HS6ST1: variants seen among roughly 807,000 people sequenced by gnomAD.
HS6ST1 encodes the protein heparan sulfate 6-O-sulfotransferase 1.
In HS6ST1, 3 loss-of-function variants were observed where a neutral mutation model predicts 25.2. That is an observed-to-expected ratio of 0.12 (90% CI 0.05 to 0.31). The LOEUF (loss-of-function observed/expected upper bound fraction) is 0.31, where lower values mean the gene tolerates loss of function less well. Ranked by LOEUF, HS6ST1 falls within the 10% of genes least tolerant of loss-of-function variation. The pLI, the probability that HS6ST1 is intolerant of heterozygous loss-of-function variation, is 1.00. For missense variants in HS6ST1, 310 were observed against 609.6 expected, an observed-to-expected ratio of 0.51 and a Z score of 5.18; for synonymous variants, 204 against 275.1, an observed-to-expected ratio of 0.74 and a Z score of 2.56.
At chr2:128,277,984 C>T (rs1020975230) in intron 1 of HS6ST1, among the ~76,000 whole-genome samples, 3 of 152,230 alleles carry the variant, frequency 2.0e-5, no homozygotes, top group African/African-American at 7.2e-5. Context: ...AAGATCTAGG[C>T]ACTGCTGTCA....
chr2:128,312,399 C>A (rs946046356), intron 1 of HS6ST1, among the ~76,000 whole-genome samples: 1 of 152,204 alleles, frequency 6.6e-6, no homozygotes, highest in Non-Finnish European at 1.5e-5. Context: ...ACAAGATGAC[C>A]CATTCCAAGT....
intron 1 of HS6ST1, among the ~76,000 whole-genome samples, chr2:128,316,993 T>C (rs574519664): frequency 2.2e-4 from 34 of 152,206 alleles, no homozygotes; most frequent in Non-Finnish European, 4.4e-4. Flanking sequence ...AATTCAGTCC[T>C]AAGGCAAATT....
intron 1 of HS6ST1, among the ~76,000 whole-genome samples, chr2:128,312,732 A>G (rs1694309857): frequency 6.6e-6 from 1 of 152,024 alleles, no homozygotes; most frequent in South Asian, 2.1e-4. Flanking sequence ...TAAGATTAGC[A>G]CTTTTCGGTG....
chr2:128,308,243 C>T (rs896893326), intron 1 of HS6ST1, among the ~76,000 whole-genome samples: 3 of 152,164 alleles, frequency 2.0e-5, no homozygotes, highest in Admixed American at 6.5e-5. Flanking sequence ...TCTTCACCTG[C>T]GAGCCGCACC....
chr2:128,304,483 C>T (rs139113456), intron 1 of HS6ST1, among the ~76,000 whole-genome samples: 2 of 133,292 alleles, frequency 1.5e-5, no homozygotes, highest in Admixed American at 7.9e-5. Context: ...GAGGACGAAA[C>T]AAGTACCTGT....
intron 1 of HS6ST1, 41 bp downstream of exon 1, chr2:128,317,996 G>C: frequency 7.1e-7 from 1 of 1,408,444 alleles, no homozygotes. Flanking sequence ...CCCGGCCTCG[G>C]GGGCGCAGCT....
chr2:128,265,879 G>A lies in HS6ST1; in HGVS notation c.*2283C>T, dbSNP rs1433317742. 1 of 152,058 alleles carries A rather than the reference G, an allele frequency of 6.6e-6. No individual in the cohort carries two copies. The highest frequency in any genetic ancestry group is 2.4e-5 in the African/African-American group (1 of 41,394). 9.4% of individuals were successfully genotyped at this position (152,058 alleles called of 1,614,324 possible). ...AATTTAGGAGATGCTGCTGGCAAAG[G>A]AACTGTTGACCCAAAGCAGGTGGCC... On this transcript the variant is annotated 3_prime_UTR_variant, in exon 2 of 2. Coordinates refer to ENST00000259241, the MANE Select transcript of HS6ST1 (RefSeq NM_004807.3).
At chr2:128,316,775 G>A (rs1346359220) in intron 1 of HS6ST1, among the ~76,000 whole-genome samples, 1 of 152,062 alleles carries the variant, frequency 6.6e-6, no homozygotes, top group Non-Finnish European at 1.5e-5. Context: ...CCAACTCTAG[G>A]ACCCCAATTT....
At chr2:128,317,045 C>A (rs78385395) in intron 1 of HS6ST1, among the ~76,000 whole-genome samples, 9,344 of 152,320 alleles carry the variant, frequency 0.061, 396 homozygotes, top group Non-Finnish European at 0.095. Context: ...CTGCTCCTGG[C>A]CCTTCCCAGC....
chr2:128,307,360 G>T (rs891134499), intron 1 of HS6ST1, among the ~76,000 whole-genome samples: 1 of 152,174 alleles, frequency 6.6e-6, no homozygotes, highest in Non-Finnish European at 1.5e-5. Flanking sequence ...AGGGTCCCAT[G>T]GGGTTCAGAG....
chr2:128,285,380 G>A (rs1693845814), intron 1 of HS6ST1, among the ~76,000 whole-genome samples: 1 of 152,150 alleles, frequency 6.6e-6, no homozygotes, highest in Admixed American at 6.5e-5. Context: ...TGCCGTGGTG[G>A]CAGGGTCCAC....
At chr2:128,293,176 C>T (rs1327476421) in intron 1 of HS6ST1, among the ~76,000 whole-genome samples, 1 of 152,248 alleles carries the variant, frequency 6.6e-6, no homozygotes, top group African/African-American at 2.4e-5. Context: ...AGCGTCCCAC[C>T]CGCACACCCT....
intron 1 of HS6ST1, among the ~76,000 whole-genome samples, chr2:128,282,778 G>A (rs958243084): frequency 7.9e-5 from 12 of 152,224 alleles, no homozygotes; most frequent in African/African-American, 2.9e-4. Flanking sequence ...CTACCTGGAG[G>A]GGAGCTGGGC....
At chr2:128,272,138 C>A (rs1175512062) in intron 1 of HS6ST1, among the ~76,000 whole-genome samples, 1 of 152,218 alleles carries the variant, frequency 6.6e-6, no homozygotes, top group Non-Finnish European at 1.5e-5. Flanking sequence ...GCCTCCTCAC[C>A]CCTGCAAAGC....
At chr2:128,307,191 C>A (rs987924483) in intron 1 of HS6ST1, among the ~76,000 whole-genome samples, 10 of 152,140 alleles carry the variant, frequency 6.6e-5, no homozygotes, top group Non-Finnish European at 5.9e-5. Flanking sequence ...GCTTGTCTGG[C>A]CTTCCTGGGC....
chr2:128,292,094 C>T (rs1234998587), intron 1 of HS6ST1, among the ~76,000 whole-genome samples: 1 of 152,184 alleles, frequency 6.6e-6, no homozygotes, highest in Non-Finnish European at 1.5e-5. Flanking sequence ...CACAGGGCAA[C>T]AGTGAGGAGG....
intron 1 of HS6ST1, among the ~76,000 whole-genome samples, chr2:128,271,549 G>A (rs1018449548): frequency 2.0e-5 from 3 of 152,218 alleles, no homozygotes; most frequent in Non-Finnish European, 2.9e-5. Context: ...GGGGAAATGC[G>A]AGGGAGGGAG....
chr2:128,317,559 G>A (rs1364632555), intron 1 of HS6ST1, among the ~76,000 whole-genome samples: 2 of 152,218 alleles, frequency 1.3e-5, no homozygotes, highest in Admixed American at 6.5e-5. Flanking sequence ...CCCTCTGAAG[G>A]CAGGCACTCC....
chr2:128,318,442 C>T lies in HS6ST1; in HGVS notation c.122G>A (p.Ser41Asn). The change falls in exon 1 of 2, where the codon AGC becomes AAC. Residue 41 changes from serine to asparagine, a missense_variant. Coordinates refer to ENST00000259241, the MANE Select transcript of HS6ST1 (RefSeq NM_004807.3). The surrounding 1 kb of genome is among the most constrained non-coding windows in gnomAD (Gnocchi z 5.7). ...ILYQYAGPGL[S>N]LGAPGGRAPP... is the part of the protein sequence containing the mutation. ...CGCGCGGCCGCCGGGCGCGCCCAGG[C>T]TCAGTCCTGGGCCCGCGTACTGGTA... The T allele has an allele frequency of 6.3e-7, 1 of 1,590,396 alleles. No homozygotes were observed. Among genetic ancestry groups the T allele is most frequent in the South Asian group, 1.1e-5 (1 of 89,890 alleles).
Sources: allele counts gnomAD v4.1 joint callset (sites outside exome capture counted in the v4.1 genomes callset), GRCh38; gene constraint gnomAD v4.1.1; non-coding constraint Gnocchi (gnomAD v3.1); transcripts MANE v1.5; gene names NCBI Gene and HGNC (gene_info 2026-07-23, HGNC 2026-07-21).